Variants in RBFOX1 observed in about 807,000 individuals in gnomAD.
RBFOX1 encodes RNA binding protein fox-1 homolog 1.
A neutral mutation model predicts 57.7 loss-of-function variants in RBFOX1; 8 were observed. The observed-to-expected ratio is 0.14, with a 90% CI of 0.08 to 0.25. RBFOX1 has a LOEUF of 0.25. Ranked by LOEUF, RBFOX1 falls within the 10% of genes least tolerant of loss-of-function variation. The pLI is 1.00. For missense variants in RBFOX1, 611 were observed against 548.5 expected (o/e 1.11, Z -1.14); for synonymous variants, 326 against 222.4 (o/e 1.47, Z -4.15).
rs139019391 is a variant in RBFOX1 at position 5,931,157 on chromosome 16, T to C, written c.351+63822T>C. ...GGCTATTCTTTTGTATTGGCTTCATTATTAGGCTCCACCTGGTTACCCCTT... is the reference window on the plus strand; with the variant it reads ...GGCTATTCTTTTGTATTGGCTTCATCATTAGGCTCCACCTGGTTACCCCTT... On this transcript the variant is annotated intron_variant, in intron 4 of 19. Coordinates refer to the RBFOX1 transcript ENST00000641259. Among the ~76,000 whole-genome samples the C allele has an allele frequency of 1.8e-3, 281 of 152,268 alleles. 2 individuals carry two copies. The highest frequency in any genetic ancestry group is 6.2e-3 in the African/African-American group (256 of 41,550).
At chr16:7,032,407 A>T (rs909465668) in intron 3 of RBFOX1, among the ~76,000 whole-genome samples, 1 of 152,100 alleles carries the variant, frequency 6.6e-6, no homozygotes, top group South Asian at 2.1e-4. Context: ...ATCCCAGTGC[A>T]CTCCAATCTG....
chr16:7,703,962 C>G (rs1309022826), intron 14 of RBFOX1, among the ~76,000 whole-genome samples: 3 of 152,192 alleles, frequency 2.0e-5, no homozygotes, highest in Non-Finnish European at 2.9e-5. Context: ...TTGTGAAATA[C>G]AATCTAAGAA....
chr16:7,082,141 A>G (rs547423236), intron 4 of RBFOX1, among the ~76,000 whole-genome samples: 20 of 152,232 alleles, frequency 1.3e-4, no homozygotes, highest in African/African-American at 4.8e-4. Flanking sequence ...ATTCCCTGTT[A>G]TCTATCTTGG....
chr16:7,174,945 G>C (rs915841463), intron 4 of RBFOX1, among the ~76,000 whole-genome samples: 24 of 152,162 alleles, frequency 1.6e-4, no homozygotes, highest in African/African-American at 5.3e-4. Flanking sequence ...ATTCTAGTGG[G>C]TATGTGGTGA....
intron 4 of RBFOX1, among the ~76,000 whole-genome samples, chr16:7,387,676 T>A (rs2097907748): frequency 1.3e-5 from 2 of 152,102 alleles, no homozygotes; most frequent in Admixed American, 1.3e-4. Context: ...TGGCTCAGGG[T>A]GCCATTAGGA....
intron 2 of RBFOX1, among the ~76,000 whole-genome samples, chr16:6,649,592 A>G (rs940504878): frequency 6.6e-6 from 1 of 152,064 alleles, no homozygotes; most frequent in Non-Finnish European, 1.5e-5. Context: ...CTTAGCTCCC[A>G]CTTATGAATG....
intron 4 of RBFOX1, among the ~76,000 whole-genome samples, chr16:7,476,208 A>G (rs1049370232): frequency 6.6e-6 from 1 of 151,964 alleles, no homozygotes; most frequent in South Asian, 2.1e-4. Flanking sequence ...GCTGGGCTCA[A>G]ATGATCCTCC....
intron 3 of RBFOX1, among the ~76,000 whole-genome samples, chr16:5,694,525 C>T (rs2050790978): frequency 6.6e-6 from 1 of 152,082 alleles, no homozygotes; most frequent in Non-Finnish European, 1.5e-5. Flanking sequence ...TTCAGTTTTA[C>T]CAAGAGCTTA....
rs1195887300 is a variant in RBFOX1 at position 6,885,095 on chromosome 16, C to T, written c.-15-166962C>T. Among the ~76,000 whole-genome samples, 4 of 152,214 alleles carry T rather than the reference C, an allele frequency of 2.6e-5. No individual in the cohort carries two copies. In the South Asian group the frequency reaches 6.2e-4, roughly 24 times the overall value. ...AAACTGATACAGAGACAGATCAAAC[C>T]AGGACTGCTCTGACTGAAACGGAAG... On this transcript the variant is annotated intron_variant, in intron 3 of 15. Transcript: ENST00000550418.
chr16:5,877,228 G>T (rs2057635889), intron 4 of RBFOX1, among the ~76,000 whole-genome samples: 1 of 152,168 alleles, frequency 6.6e-6, no homozygotes, highest in Non-Finnish European at 1.5e-5. Flanking sequence ...TCTTTGGAGG[G>T]GTCACGCATT....
intron 4 of RBFOX1, among the ~76,000 whole-genome samples, chr16:5,901,880 C>T (rs767810991): frequency 6.6e-6 from 1 of 152,162 alleles, no homozygotes; most frequent in African/African-American, 2.4e-5. Context: ...TCTGCCTATG[C>T]CCAAGCATTC....
intron 2 of RBFOX1, among the ~76,000 whole-genome samples, chr16:6,410,017 T>C (rs1002945034): frequency 6.6e-6 from 1 of 152,166 alleles, no homozygotes; most frequent in Non-Finnish European, 1.5e-5. Flanking sequence ...ATTTGTCCTC[T>C]ACGAGGCAAA....
chr16:7,163,321 T>C (rs535092412), intron 4 of RBFOX1, among the ~76,000 whole-genome samples: 7 of 152,284 alleles, frequency 4.6e-5, no homozygotes, highest in Non-Finnish European at 1.5e-5. Context: ...CCCCTGGTGA[T>C]GAGTAACCTT....
Position 7,557,635 on chromosome 16 carries a change from AAAAAAAAGAAAAAG to A in RBFOX1, c.271-22134_271-22121del, listed in dbSNP as rs1290564343. Among the ~76,000 whole-genome samples the A allele has an allele frequency of 1.6e-3, 227 of 139,854 alleles. 25 individuals carry two copies. The highest frequency in any genetic ancestry group is 2.4e-3 in the Non-Finnish European group (153 of 63,568). The allele number at this position is 139,854 out of a possible 152,430, so 91.7% of individuals were successfully genotyped here. A position where few individuals can be genotyped will look rare whatever the true frequency, so the allele number is the denominator to read the frequency against. On this transcript the variant is annotated intron_variant, in intron 5 of 15. Transcript: ENST00000550418. ...ACTCTGTCTCAAAAAAAAAAAAAAA[AAAAAAAAGAAAAAG>A]AAAAAAAAAAAGCATTTTCTTAAAC...
chr16:7,172,301 C>T (rs550066492), intron 4 of RBFOX1, among the ~76,000 whole-genome samples: 102 of 152,258 alleles, frequency 6.7e-4, no homozygotes, highest in African/African-American at 2.0e-3. Flanking sequence ...CATGTAAATG[C>T]CCAGCAGTTT....
chr16:5,720,014 C>T (rs1596952580), intron 3 of RBFOX1, among the ~76,000 whole-genome samples: 1 of 152,100 alleles, frequency 6.6e-6, no homozygotes, highest in Non-Finnish European at 1.5e-5. Flanking sequence ...GCTGCACCAT[C>T]GTAGGTTCCC....
intron 4 of RBFOX1, among the ~76,000 whole-genome samples, chr16:7,373,887 C>G (rs4238878): frequency 0.8 from 122,512 of 152,194 alleles, 49,941 homozygotes; most frequent in African/African-American, 0.94. Flanking sequence ...GGTACATTCT[C>G]ATTCCACTCA....
At chr16:7,308,736 AG>A (rs2096248603) in intron 4 of RBFOX1, among the ~76,000 whole-genome samples, 6 of 152,216 alleles carry the variant, frequency 3.9e-5, no homozygotes, top group Admixed American at 3.9e-4. Context: ...TTCTCAGTTC[AG>A]GGAATCACCT....
At chr16:6,193,061 A>C (rs1020523788) in intron 1 of RBFOX1, among the ~76,000 whole-genome samples, 9 of 152,058 alleles carry the variant, frequency 5.9e-5, no homozygotes, top group Admixed American at 2.0e-4. Flanking sequence ...TAATTAAAGC[A>C]GTTTGTGACG....
Sources: gnomAD v4.1 joint callset for allele counts (sites outside exome capture counted in the v4.1 genomes callset) on GRCh38, gnomAD v4.1.1 for gene constraint, MANE v1.5 for transcripts, NCBI Gene and HGNC (gene_info 2026-07-23, HGNC 2026-07-21) for gene names.